HAND2: variants seen among roughly 807,000 people sequenced by gnomAD.
HAND2 encodes heart- and neural crest derivatives-expressed protein 2.
Under a neutral mutation model 14.7 loss-of-function variants are expected in HAND2, and 2 were observed. The observed-to-expected ratio is 0.14, with a 90% confidence interval of 0.06 to 0.43. The LOEUF is 0.43. Ranked by LOEUF, HAND2 falls within the 20% of genes least tolerant of loss-of-function variation. HAND2 has a pLI of 0.99. For synonymous variants in HAND2, 162 were observed against 135.9 expected, an observed-to-expected ratio of 1.19 and a Z score of -1.34; for missense variants, 275 against 313.6, an observed-to-expected ratio of 0.88 and a Z score of 0.93.
rs760111704 is a variant in HAND2 at position 173,527,294 on chromosome 4, G to A, written c.637C>T (p.Leu213=). ...RTGWPQHVWA[L]ELKQ is the part of the protein sequence containing the mutation. ...CCTCCTCCTCACTGCTTGAGCTCCA[G>A]GGCCCAGACGTGCTGCGGCCAGCCC... Residue 213 remains leucine, a synonymous_variant, in exon 2 of 2, where the codon CTG becomes TTG. Transcript: ENST00000359562. 29 of 1,612,314 alleles carry A rather than the reference G, an allele frequency of 1.8e-5. No homozygotes were observed. Among genetic ancestry groups the A allele is most frequent in the Non-Finnish European group, 2.2e-5 (26 of 1,179,214 alleles).
Position 173,528,254 on chromosome 4 carries a change from G to C in HAND2, c.555+481C>G, listed in dbSNP as rs1376733320. ...AGTATGAGAACAACCACAAAACTCA[G>C]GGCTCAGTCTCTGGCAGCCTCCTTC... On this transcript the variant is annotated intron_variant, in intron 1 of 1. Transcript: ENST00000359562. This position sits in a 1 kb window ranked among gnomAD's most constrained non-coding sequence, Gnocchi z 5.6. The C allele has an allele frequency of 1.2e-5, 2 of 163,250 alleles. No homozygotes were observed. Among genetic ancestry groups the C allele is most frequent in the African/African-American group, 4.8e-5 (2 of 41,660 alleles). The allele number at this position is 163,250 out of a possible 1,614,324, so 10.1% of individuals were successfully genotyped here.
In HAND2 at chr4:173,528,594, CACA is replaced by C. The variant is rs1731582124; in HGVS notation, c.555+138_555+140del. The C allele has an allele frequency of 1.9e-6, 2 of 1,035,508 alleles. No individual in the cohort carries two copies. Among genetic ancestry groups the C allele is most frequent in the Non-Finnish European group, 2.9e-6 (2 of 700,588 alleles). The allele number at this position is 1,035,508 out of a possible 1,614,324, so 64.1% of individuals were successfully genotyped here. ...CTGCTTATGCCGGAAGCCATCCTTA[CACA>C]ACCTGGTGCAAACAACCTTGAAGCG... On this transcript the variant is annotated intron_variant, in intron 1 of 1. Transcript: ENST00000359562. The surrounding 1 kb of genome is among the most constrained non-coding windows in gnomAD (Gnocchi z 5.6).
rs1252893762 is a variant in HAND2, at chr4:173,529,110, C to A, written c.180G>T (p.Met60Ile). ...HPEMSPPDYS[M>I]ALSYSPEYAS... ...CATACTCGGGGCTGTAGGACAGGGCCATGCTGTAGTCGGGGGGCGACATCT... is the reference window on the plus strand; with the variant it reads ...CATACTCGGGGCTGTAGGACAGGGCAATGCTGTAGTCGGGGGGCGACATCT... Residue 60 changes from methionine to isoleucine, a missense_variant, in exon 1 of 2, where the codon ATG becomes ATT. Transcript: ENST00000359562. 1 of 1,497,734 alleles carries A rather than the reference C, an allele frequency of 6.7e-7. No individual in the cohort carries two copies. The highest frequency in any genetic ancestry group is 8.8e-7 in the Non-Finnish European group (1 of 1,133,536). 92.8% of individuals were successfully genotyped at this position (1,497,734 alleles called of 1,614,324 possible). A position where few individuals can be genotyped will look rare whatever the true frequency, so the allele number is the denominator to read the frequency against.
rs906404242 is a variant in HAND2, at chr4:173,527,066, C to T, written c.*211G>A. On this transcript the variant is annotated 3_prime_UTR_variant, in exon 2 of 2. Transcript: ENST00000359562. ...ATATGGAATGCTTTTCTTCAAATAT[C>T]CACTTTTTTTTTGGAGGGGGAGACG... The T allele has an allele frequency of 1.4e-6, 1 of 696,538 alleles. No individual in the cohort carries two copies. Among genetic ancestry groups the T allele is most frequent in the Non-Finnish European group, 2.6e-6 (1 of 381,508 alleles). 43.1% of individuals were successfully genotyped at this position (696,538 alleles called of 1,614,324 possible). A position where few individuals can be genotyped will look rare whatever the true frequency, so the allele number is the denominator to read the frequency against.
chr4:173,529,193 T>TGGC lies in HAND2; in HGVS notation c.94_96dup (p.Ala32dup), dbSNP rs756945261. The TGGC allele has an allele frequency of 1.5e-5, 22 of 1,437,806 alleles. No homozygotes were observed. Among genetic ancestry groups the TGGC allele is most frequent in the South Asian group, 3.2e-5 (2 of 63,308 alleles). 89.1% of individuals were successfully genotyped at this position (1,437,806 alleles called of 1,614,324 possible). ...GGGTTCTCCTCATGGCTGCAGCGGC[T>TGGC]GGCGGCGGCGGCGGCAGCTGCGGCG... On this transcript the variant is annotated inframe_insertion, in exon 1 of 2. Transcript: ENST00000359562.
In HAND2 at chr4:173,528,693, T is replaced by C. The variant is rs757783985; in HGVS notation, c.555+42A>G. 8.8e-6 allele frequency: 14 copies of C among 1,587,242 alleles called. No homozygotes were observed. Among genetic ancestry groups the C allele is most frequent in the Non-Finnish European group, 1.2e-5 (14 of 1,167,380 alleles). Reference sequence around the variant, plus strand: ...AAAGAGGCCGGGAGCACCAGTTCCCTGACCCCCTCAGCCCCACCGCCTGCC... The same window carrying C: ...AAAGAGGCCGGGAGCACCAGTTCCCCGACCCCCTCAGCCCCACCGCCTGCC... On this transcript the variant is annotated intron_variant, in intron 1 of 1. Coordinates refer to ENST00000359562, the MANE Select transcript of HAND2 (RefSeq NM_021973.3). The surrounding 1 kb of genome is among the most constrained non-coding windows in gnomAD (Gnocchi z 5.6).
intron 1 of HAND2, 193 bp from the exon 2 acceptor site, chr4:173,527,568 C>T (rs1039671774): frequency 4.8e-6 from 3 of 621,412 alleles, no homozygotes; most frequent in Admixed American, 5.2e-5. Context: ...GGGGAGGCCT[C>T]GGCGCTGCAG....
Position 173,528,559 on chromosome 4 carries a change from C to T in HAND2, c.555+176G>A, listed in dbSNP as rs568855592. On this transcript the variant is annotated intron_variant, in intron 1 of 1. Coordinates refer to ENST00000359562, the MANE Select transcript of HAND2 (RefSeq NM_021973.3). The surrounding 1 kb of genome is among the most constrained non-coding windows in gnomAD (Gnocchi z 5.6). ...TCTCCTCCTCCTGCTGACACCCTCC[C>T]CTCAACTCTCTGCTTATGCCGGAAG... 4.4e-5 allele frequency: 32 copies of T among 720,758 alleles called. No homozygotes were observed. The East Asian group carries it at 8.4e-4, about 19-fold the overall frequency. 44.6% of individuals were successfully genotyped at this position (720,758 alleles called of 1,614,324 possible).
chr4:173,529,039 G>A lies in HAND2; in HGVS notation c.251C>T (p.Pro84Leu), dbSNP rs1579038658. The A allele has an allele frequency of 6.7e-7, 1 of 1,499,406 alleles. No homozygotes were observed. Among genetic ancestry groups the A allele is most frequent in the Non-Finnish European group, 8.8e-7 (1 of 1,133,286 alleles). 92.9% of individuals were successfully genotyped at this position (1,499,406 alleles called of 1,614,324 possible). A position where few individuals can be genotyped will look rare whatever the true frequency, so the allele number is the denominator to read the frequency against. The stretch of plus-strand genomic sequence containing the variant: ...CAGGCCCGGGGGCCCGGCGCCCGGC[G>A]GCACCCCCCCGTAATGGGAGTGGTC... ...GLDHSHYGGV[P>L]PGAGPPGLGG... Residue 84 changes from proline to leucine, a missense_variant, in exon 1 of 2, where the codon CCG (proline) becomes CTG (leucine). Coordinates refer to ENST00000359562, the MANE Select transcript of HAND2 (RefSeq NM_021973.3).
rs771323605 is a variant in HAND2, at chr4:173,527,367, G to A, written c.564C>T (p.Ile188=). 1.9e-6 allele frequency: 3 copies of A among 1,612,606 alleles called. No homozygotes were observed. In the South Asian group the frequency reaches 3.3e-5, roughly 18 times the overall value. ...CGTTGCTGCTCACTGTGCTTTTCAAGATTTCGTTCTGGACAGAGGAAAGGC... is the reference window on the plus strand; with the variant it reads ...CGTTGCTGCTCACTGTGCTTTTCAAAATTTCGTTCTGGACAGAGGAAAGGC... ...EEKRKKELNE[I]LKSTVSSNDK... The change falls in exon 2 of 2, where the codon ATC becomes ATT. Residue 188 remains isoleucine (I), a synonymous_variant. Transcript: ENST00000359562.
Position 173,529,265 on chromosome 4 carries a change from G to T in HAND2, c.25C>A (p.His9Asn). The T allele has an allele frequency of 1.5e-6, 2 of 1,370,132 alleles. No individual in the cohort carries two copies. Among genetic ancestry groups the T allele is most frequent in the Non-Finnish European group, 9.3e-7 (1 of 1,070,920 alleles). 84.9% of individuals were successfully genotyped at this position (1,370,132 alleles called of 1,614,324 possible). The change falls in exon 1 of 2, where the codon CAC becomes AAC. Residue 9 changes from histidine to asparagine, a missense_variant. His to Asn is a moderately conservative substitution (Grantham distance 68). Around this residue, in one of 4 missense-constraint regions of HAND2, gnomAD observed 175 missense variants for 157.1 expected, o/e 1.11. Coordinates refer to ENST00000359562, the MANE Select transcript of HAND2 (RefSeq NM_021973.3). MSLVGGFPHHPVVHHEGYP... is the reference protein window; with the variant it reads MSLVGGFPNHPVVHHEGYP... ...CCCTCGTGGTGCACCACCGGGTGGT[G>T]GGGAAAACCACCTACCAGACTCATT...
In HAND2 at chr4:173,526,631, G is replaced by T; in HGVS notation, c.*646C>A. The T allele has an allele frequency of 5.7e-6, 1 of 173,990 alleles. No homozygotes were observed. Among genetic ancestry groups the T allele is most frequent in the Non-Finnish European group, 1.3e-5 (1 of 79,812 alleles). 10.8% of individuals were successfully genotyped at this position (173,990 alleles called of 1,614,324 possible). A position where few individuals can be genotyped will look rare whatever the true frequency, so the allele number is the denominator to read the frequency against. ...GTTTTTGTAAAAAAAAAACACAGTG[G>T]TTTATTGAATACTTACAACGTTTAC... On this transcript the variant is annotated 3_prime_UTR_variant, in exon 2 of 2. Coordinates refer to ENST00000359562, the MANE Select transcript of HAND2 (RefSeq NM_021973.3).
chr4:173,527,726 T>G (rs1221410776), intron 1 of HAND2: 2 of 272,114 alleles, frequency 7.3e-6, no homozygotes, highest in African/African-American at 4.5e-5. Flanking sequence ...TCATTAGCAA[T>G]CCTAGATCCA....
rs1436228965 is a variant in HAND2, at chr4:173,526,776, CG to C, written c.*500del. 2.8e-6 allele frequency: 1 copy of C among 353,628 alleles called. No individual in the cohort carries two copies. The highest frequency in any genetic ancestry group is 5.6e-6 in the Non-Finnish European group (1 of 179,672). 21.9% of individuals were successfully genotyped at this position (353,628 alleles called of 1,614,324 possible). ...CAGATGAATGGATAGCACTAGATAC[CG>C]ACCCCAACGGAAATGTTAGCGGCCC... is the stretch of plus-strand genomic sequence containing the variant. On this transcript the variant is annotated 3_prime_UTR_variant, in exon 2 of 2. Transcript: ENST00000359562.
Position 173,528,803 on chromosome 4 carries a change from C to T in HAND2, c.487G>A (p.Glu163Lys). Residue 163 changes from glutamate to lysine, a missense_variant, in exon 1 of 2, where the codon GAG becomes AAG. Transcript: ENST00000359562. This position sits in a 1 kb window ranked among gnomAD's most constrained non-coding sequence, Gnocchi z 5.6. ...ATCTCTGCCTTGAAGGCCTCCGCCT[C>T]GCCATTCTGGTCGTCCTTGGCCAGC... The part of the protein sequence containing the change: ...DLLAKDDQNG[E>K]AEAFKAEIKK... The T allele has an allele frequency of 1.2e-6, 2 of 1,614,200 alleles. No individual in the cohort carries two copies. Among genetic ancestry groups the T allele is most frequent in the Non-Finnish European group, 8.5e-7 (1 of 1,180,030 alleles).
rs972454222 is a variant in HAND2, at chr4:173,529,545, C to T, written c.-256G>A. ...GGGCGCGGCGAGCTGGTCCTGGCAC[C>T]GTGCGCCCCTGGCCGCCGCCGCCGC... is the stretch of plus-strand genomic sequence containing the variant. On this transcript the variant is annotated 5_prime_UTR_variant, in exon 1 of 2. Coordinates refer to ENST00000359562, the MANE Select transcript of HAND2 (RefSeq NM_021973.3). The T allele has an allele frequency of 6.5e-6, 1 of 152,846 alleles. No homozygotes were observed. The highest frequency in any genetic ancestry group is 1.5e-5 in the Non-Finnish European group (1 of 68,612). The allele number at this position is 152,846 out of a possible 1,614,324, so 9.5% of individuals were successfully genotyped here.
In HAND2 at chr4:173,526,887, G is replaced by A. The variant is rs749290649; in HGVS notation, c.*390C>T. ...AGTATTAAAGATACACTTCACAAACGCACTAGTGCCCACTGTCTTTATCTG... is the reference window on the plus strand; with the variant it reads ...AGTATTAAAGATACACTTCACAAACACACTAGTGCCCACTGTCTTTATCTG... On this transcript the variant is annotated 3_prime_UTR_variant, in exon 2 of 2. Coordinates refer to ENST00000359562, the MANE Select transcript of HAND2 (RefSeq NM_021973.3). 2.2e-6 allele frequency: 1 copy of A among 457,280 alleles called. No individual in the cohort carries two copies. The highest frequency in any genetic ancestry group is 2.5e-5 in the Admixed American group (1 of 40,576). 28.3% of individuals were successfully genotyped at this position (457,280 alleles called of 1,614,324 possible). A position where few individuals can be genotyped will look rare whatever the true frequency, so the allele number is the denominator to read the frequency against.
rs186309406 is a variant in HAND2 at position 173,527,234 on chromosome 4, C to G, written c.*43G>C. ...CCTGGGTCTGCATCTGGCGCCTTGG[C>G]CCCTGCTCACTCGCGCTCTCCTCCT... On this transcript the variant is annotated 3_prime_UTR_variant, in exon 2 of 2. Transcript: ENST00000359562. The G allele has an allele frequency of 7.3e-6, 10 of 1,363,636 alleles. No individual in the cohort carries two copies. The highest frequency in any genetic ancestry group is 2.8e-5 in the African/African-American group (2 of 70,336). 84.5% of individuals were successfully genotyped at this position (1,363,636 alleles called of 1,614,324 possible). A position where few individuals can be genotyped will look rare whatever the true frequency, so the allele number is the denominator to read the frequency against.
At chr4:173,527,803 C>T (rs1211840301) in intron 1 of HAND2, 1 of 180,852 alleles carries the variant, frequency 5.5e-6, no homozygotes, top group Admixed American at 5.4e-5. Context: ...AGGCTCTCGG[C>T]CTCCAGCTCA....
Sources: gnomAD v4.1 joint callset for allele counts on GRCh38, gnomAD v4.1.1 for gene constraint, gnomAD v4.1.1 regional missense constraint, Gnocchi (gnomAD v3.1) non-coding constraint, MANE v1.5 for transcripts, NCBI Gene and HGNC (gene_info 2026-07-23, HGNC 2026-07-21) for gene names.